PDE3B: variants seen among roughly 807,000 people sequenced by gnomAD.
PDE3B encodes the protein phosphodiesterase 3B.
PDE3B carries 66 observed loss-of-function variants against 116.8 expected under a neutral mutation model. The ratio of observed to expected loss-of-function variants is 0.56; its 90% CI spans 0.46 to 0.69. PDE3B has a LOEUF of 0.69. PDE3B is among the 30% of genes least tolerant of loss of function. The probability of loss-of-function intolerance (pLI) is 0.00; values close to 1 mark genes in which losing one functional copy is unlikely to be tolerated. For missense variants in PDE3B, 1,384 were observed against 1,368.1 expected (o/e 1.01, Z -0.18); for synonymous variants, 595 against 533.6 (o/e 1.12, Z -1.59).
chr11:14,801,832 C>T (rs1858778447), intron 4 of PDE3B, among the ~76,000 whole-genome samples: 1 of 152,210 alleles, frequency 6.6e-6, no homozygotes, highest in South Asian at 2.1e-4. Flanking sequence ...GATGCCCTGC[C>T]CAGAGTGGAG....
At chr11:14,844,543 C>A (rs1377799628) in intron 12 of PDE3B, among the ~76,000 whole-genome samples, 1 of 152,242 alleles carries the variant, frequency 6.6e-6, no homozygotes, top group African/African-American at 2.4e-5. Context: ...CATTGCCTCA[C>A]TCGGGAAGCA....
intron 1 of PDE3B, among the ~76,000 whole-genome samples, chr11:14,735,176 A>T (rs1452279776): frequency 2.0e-5 from 3 of 152,216 alleles, no homozygotes; most frequent in Non-Finnish European, 2.9e-5. Flanking sequence ...CATTGGACCC[A>T]TACCTCTGCA....
chr11:14,644,034 A>C lies in PDE3B; in HGVS notation c.-42A>C, dbSNP rs1174987638. The C allele has an allele frequency of 2.1e-6, 3 of 1,418,164 alleles. No homozygotes were observed. The highest frequency in any genetic ancestry group is 2.7e-6 in the Non-Finnish European group (3 of 1,096,690). The allele number at this position is 1,418,164 out of a possible 1,614,324, so 87.8% of individuals were successfully genotyped here. On this transcript the variant is annotated 5_prime_UTR_variant, in exon 1 of 16. Coordinates refer to ENST00000282096, the MANE Select transcript of PDE3B (RefSeq NM_000922.4). Reference sequence around the variant, plus strand: ...GAGCGCGAGCGGCCGCTACGGTACGAGCGGGGTGTGCTGAGTCCCGTGGCC... The same window carrying C: ...GAGCGCGAGCGGCCGCTACGGTACGCGCGGGGTGTGCTGAGTCCCGTGGCC...
chr11:14,741,386 G>A (rs909235488), intron 1 of PDE3B, among the ~76,000 whole-genome samples: 3 of 151,926 alleles, frequency 2.0e-5, no homozygotes, highest in Non-Finnish European at 4.4e-5. Context: ...GAGCTTTGTT[G>A]GTTTAAAGTC....
At position 14,797,483 on chromosome 11, in the gene PDE3B, T is replaced by G. The variant is rs556883997; in HGVS notation, c.1416-6461T>G. ...TCTGTGAAGAAAGTCAATGGTAGCT[T>G]GATGGGGATAGCACTGAATCTATAT... On this transcript the variant is annotated intron_variant, in intron 4 of 15. Coordinates refer to ENST00000282096, the MANE Select transcript of PDE3B (RefSeq NM_000922.4). 1.4e-4 allele frequency among the ~76,000 whole-genome samples: 21 copies of G among 152,312 alleles called. No homozygotes were observed. In the South Asian group the frequency reaches 4.3e-3, roughly 32 times the overall value.
chr11:14,898,781 T>C, the PDE3B span, among the ~76,000 whole-genome samples: 1 of 152,116 alleles, frequency 6.6e-6, no homozygotes, highest in Non-Finnish European at 1.5e-5. Flanking sequence ...CTTATTCAGA[T>C]TGGATATCTA....
intron 1 of PDE3B, among the ~76,000 whole-genome samples, chr11:14,702,620 C>T (rs1299898580): frequency 1.3e-5 from 2 of 151,598 alleles, no homozygotes; most frequent in African/African-American, 4.8e-5. Flanking sequence ...TAATACTAAT[C>T]ACTAGCTACA....
At chr11:14,649,511 A>G (rs1462361240) in intron 1 of PDE3B, among the ~76,000 whole-genome samples, 2 of 152,218 alleles carry the variant, frequency 1.3e-5, no homozygotes, top group Non-Finnish European at 2.9e-5. Context: ...TACTTTCCAC[A>G]AGGAGCATAT....
rs186275415 is a variant in PDE3B at position 14,755,783 on chromosome 11, A to G, written c.979-16154A>G. 1.4e-4 allele frequency among the ~76,000 whole-genome samples: 22 copies of G among 152,334 alleles called. No homozygotes were observed. In the East Asian group the frequency reaches 4.2e-3, roughly 29 times the overall value. On this transcript the variant is annotated intron_variant, in intron 1 of 15. Coordinates refer to ENST00000282096, the MANE Select transcript of PDE3B (RefSeq NM_000922.4). ...TATTTGTATTGTACTAGGTACCTAC[A>G]TAATAACCTTGATTTTGTCTCTTGG...
chr11:14,805,120 G>A (rs1307068288), intron 5 of PDE3B, among the ~76,000 whole-genome samples: 1 of 152,086 alleles, frequency 6.6e-6, no homozygotes, highest in African/African-American at 2.4e-5. Flanking sequence ...ACTAATAAAA[G>A]AAAGCAAACA....
At position 14,645,181 on chromosome 11, in the gene PDE3B, G is replaced by C. The variant is rs866691245; in HGVS notation, c.978+128G>C. 4.3e-5 allele frequency: 20 copies of C among 462,958 alleles called. 2 individuals carry two copies. Among genetic ancestry groups the C allele is most frequent in the Non-Finnish European group, 5.5e-5 (15 of 274,282 alleles). The allele number at this position is 462,958 out of a possible 1,614,324, so 28.7% of individuals were successfully genotyped here. The stretch of plus-strand genomic sequence containing the variant: ...AATGGAAAAAGGGTGTGTTGCGGGG[G>C]GGGGGGGGGAGGAAATAATGTTTTA... On this transcript the variant is annotated intron_variant, in intron 1 of 15. Coordinates refer to ENST00000282096, the MANE Select transcript of PDE3B (RefSeq NM_000922.4).
At chr11:14,674,379 C>T (rs544470756) in intron 1 of PDE3B, 3 of 708,782 alleles carry the variant, frequency 4.2e-6, no homozygotes, top group East Asian at 3.1e-5. Flanking sequence ...GTACTCTGCT[C>T]TCTGGAACCC....
At chr11:14,769,901 G>C (rs1438850858) in intron 1 of PDE3B, among the ~76,000 whole-genome samples, 3 of 149,950 alleles carry the variant, frequency 2.0e-5, no homozygotes, top group South Asian at 4.2e-4. Context: ...CTTGGCATTA[G>C]AGTACAAATA....
At chr11:14,661,796 C>T (rs1480717732) in intron 1 of PDE3B, among the ~76,000 whole-genome samples, 1 of 152,214 alleles carries the variant, frequency 6.6e-6, no homozygotes, top group Non-Finnish European at 1.5e-5. Flanking sequence ...GTAAACAAAG[C>T]AGCAGGTAAG....
intron 5 of PDE3B, among the ~76,000 whole-genome samples, chr11:14,810,353 T>C (rs1437026429): frequency 1.5e-5 from 2 of 131,526 alleles, no homozygotes; most frequent in Non-Finnish European, 3.1e-5. Flanking sequence ...GAGTGTGATG[T>C]TCCCCTTCCT....
chr11:14,698,443 T>G (rs1798783701), intron 1 of PDE3B, among the ~76,000 whole-genome samples: 2 of 151,922 alleles, frequency 1.3e-5, no homozygotes, highest in Non-Finnish European at 2.9e-5. Context: ...AACACTGTAT[T>G]CTTGGAATAA....
intron 4 of PDE3B, among the ~76,000 whole-genome samples, chr11:14,799,476 C>G (rs981376521): frequency 2.6e-5 from 4 of 152,098 alleles, no homozygotes; most frequent in African/African-American, 9.7e-5. Flanking sequence ...AGTTCAAGTC[C>G]TGAATATCCT....
chr11:14,658,718 G>C (rs940509671), intron 1 of PDE3B, among the ~76,000 whole-genome samples: 2 of 152,288 alleles, frequency 1.3e-5, no homozygotes, highest in Middle Eastern at 3.4e-3. Flanking sequence ...TAAAAACTGA[G>C]CCTAGATTCT....
In PDE3B at chr11:14,732,784, G is replaced by A. The variant is rs543568425; in HGVS notation, c.979-39153G>A. ...CCTGAACTTACTGTATTTTCAGCCC[G>A]TGTTTGGTTGAAGAAAAGCCATGTA... On this transcript the variant is annotated intron_variant, in intron 1 of 15. Coordinates refer to ENST00000282096, the MANE Select transcript of PDE3B (RefSeq NM_000922.4). Among the ~76,000 whole-genome samples, 13 of 152,244 alleles carry A rather than the reference G, an allele frequency of 8.5e-5. No individual in the cohort carries two copies. The East Asian group carries it at 2.3e-3, about 27-fold the overall frequency.
Sources: gnomAD v4.1 joint callset for allele counts (sites outside exome capture counted in the v4.1 genomes callset) on GRCh38, gnomAD v4.1.1 for gene constraint, MANE v1.5 for transcripts, NCBI Gene and HGNC (gene_info 2026-07-23, HGNC 2026-07-21) for gene names.